ADGRG6: variants seen among roughly 807,000 people sequenced by gnomAD.
ADGRG6 encodes adhesion G protein-coupled receptor G6, also known as G-protein coupled receptor 126.
A neutral mutation model predicts 142.4 loss-of-function variants in ADGRG6; 84 were observed. That is an observed-to-expected ratio of 0.59 (90% CI 0.49 to 0.71). The LOEUF (loss-of-function observed/expected upper bound fraction) is 0.71. Among genes scored for constraint, ADGRG6 ranks in the 30% least tolerant of loss-of-function variants. The pLI, the probability that ADGRG6 is intolerant of heterozygous loss-of-function variation, is 0.00. For missense variants in ADGRG6, 1,367 were observed against 1,466.6 expected (o/e 0.93, Z 1.11); for synonymous variants, 521 against 520.5 (o/e 1.00, Z -0.01).
At chr6:142,311,506 A>G (rs1382638727) in intron 2 of ADGRG6, among the ~76,000 whole-genome samples, 3 of 152,100 alleles carry the variant, frequency 2.0e-5, no homozygotes, top group South Asian at 2.1e-4. Context: ...GGTTCCTTAT[A>G]ATGAACTCCC....
chr6:142,410,645 G>A (rs148153609), intron 17 of ADGRG6, among the ~76,000 whole-genome samples: 1 of 152,160 alleles, frequency 6.6e-6, no homozygotes, highest in African/African-American at 2.4e-5. Flanking sequence ...GATAGTTCTT[G>A]TCACAGCAAG....
intron 22 of ADGRG6, among the ~76,000 whole-genome samples, chr6:142,435,547 A>G (rs767073627): frequency 6.6e-5 from 10 of 151,396 alleles, no homozygotes; most frequent in African/African-American, 2.4e-4. Flanking sequence ...TAGAGTATAC[A>G]TGTAAGCATT....
chr6:142,305,313 A>G (rs1777434044), intron 1 of ADGRG6, among the ~76,000 whole-genome samples: 1 of 152,018 alleles, frequency 6.6e-6, no homozygotes, highest in Non-Finnish European at 1.5e-5. Context: ...AATAAAAGTT[A>G]TGCAAAGAAC....
At chr6:142,371,497 T>C (rs1315772445) in intron 4 of ADGRG6, among the ~76,000 whole-genome samples, 1 of 149,202 alleles carries the variant, frequency 6.7e-6, no homozygotes, top group African/African-American at 2.5e-5. Flanking sequence ...TTTTTTTTTT[T>C]TTTTGAGACA....
At chr6:142,370,924 A>G (rs1302110390) in intron 4 of ADGRG6, 131 bp downstream of exon 4, 1 of 905,082 alleles carries the variant, frequency 1.1e-6, no homozygotes, top group Admixed American at 2.7e-5. Flanking sequence ...ATATATATAT[A>G]TGTTGTCATT....
intron 2 of ADGRG6, among the ~76,000 whole-genome samples, chr6:142,361,668 G>T (rs1294635086): frequency 6.6e-6 from 1 of 152,146 alleles, no homozygotes; most frequent in Non-Finnish European, 1.5e-5. Context: ...TGAGCAAGAA[G>T]GTCCGCAGCT....
chr6:142,436,832 G>C (rs73582556), intron 22 of ADGRG6, among the ~76,000 whole-genome samples: 1 of 152,202 alleles, frequency 6.6e-6, no homozygotes, highest in African/African-American at 2.4e-5. Flanking sequence ...TATGAAGACT[G>C]TTTCTCATTA....
At chr6:142,347,210 A>T (rs1779947471) in intron 2 of ADGRG6, among the ~76,000 whole-genome samples, 1 of 152,190 alleles carries the variant, frequency 6.6e-6, no homozygotes. Context: ...GGGAACAGAT[A>T]TGTTGAACAA....
At position 142,336,011 on chromosome 6, in the gene ADGRG6, A is replaced by T. The variant is rs546538980; in HGVS notation, c.103+26367A>T. On this transcript the variant is annotated intron_variant, in intron 2 of 24. Coordinates refer to ENST00000367609, the MANE Select transcript of ADGRG6 (RefSeq NM_198569.3). ...GTGGCCATATAATTTTGTAAATGTG[A>T]AAGAACAAACAGTAAAATTACATTA... 1.5e-3 allele frequency among the ~76,000 whole-genome samples: 227 copies of T among 152,244 alleles called. 2 individuals carry two copies. The highest frequency in any genetic ancestry group is 5.3e-3 in the African/African-American group (219 of 41,542).
intron 2 of ADGRG6, among the ~76,000 whole-genome samples, chr6:142,317,417 T>G (rs1778138305): frequency 6.6e-6 from 1 of 151,922 alleles, no homozygotes. Context: ...TGACAGAACT[T>G]GGATTTTCCT....
At chr6:142,303,652 G>T (rs1777338175) in intron 1 of ADGRG6, among the ~76,000 whole-genome samples, 1 of 152,114 alleles carries the variant, frequency 6.6e-6, no homozygotes, top group African/African-American at 2.4e-5. Context: ...TACACATTTT[G>T]AAGTAATATG....
At chr6:142,359,910 G>A (rs1026762532) in intron 2 of ADGRG6, among the ~76,000 whole-genome samples, 5 of 152,150 alleles carry the variant, frequency 3.3e-5, no homozygotes, top group Admixed American at 3.3e-4. Context: ...TTCATACTAG[G>A]ATATTGATAG....
intron 22 of ADGRG6, among the ~76,000 whole-genome samples, chr6:142,429,424 A>AT (rs11412919): frequency 0.082 from 12,478 of 152,240 alleles, 617 homozygotes; most frequent in East Asian, 0.25. Flanking sequence ...GAGACATTAC[A>AT]GCTGCAAGGA....
intron 21 of ADGRG6, among the ~76,000 whole-genome samples, chr6:142,418,429 A>G (rs79001157): frequency 6.6e-6 from 1 of 152,252 alleles, no homozygotes; most frequent in African/African-American, 2.4e-5. Context: ...CTAGGGAAAA[A>G]TAATGGGGCT....
chr6:142,302,023 C>T lies in ADGRG6; in HGVS notation c.-307C>T. 1 of 482,258 alleles carries T rather than the reference C, an allele frequency of 2.1e-6. No homozygotes were observed. Among genetic ancestry groups the T allele is most frequent in the Non-Finnish European group, 3.6e-6 (1 of 275,652 alleles). 29.9% of individuals were successfully genotyped at this position (482,258 alleles called of 1,614,324 possible). A position where few individuals can be genotyped will look rare whatever the true frequency, so the allele number is the denominator to read the frequency against. ...CTGCCTGGCCCGGTCTCCTCAGCAC[C>T]AGCCCCACGCACACCCTACTTCCTC... On this transcript the variant is annotated 5_prime_UTR_variant, in exon 1 of 25. Coordinates refer to ENST00000367609, the MANE Select transcript of ADGRG6 (RefSeq NM_198569.3).
intron 11 of ADGRG6, chr6:142,400,844 C>A (rs1029515627): frequency 9.2e-5 from 35 of 380,392 alleles, no homozygotes; most frequent in Admixed American, 8.7e-4. Context: ...AGTTTAGAAG[C>A]CAGTGGGTAG....
intron 2 of ADGRG6, among the ~76,000 whole-genome samples, chr6:142,324,971 G>A (rs1284485454): frequency 1.3e-5 from 2 of 152,068 alleles, no homozygotes; most frequent in African/African-American, 4.8e-5. Context: ...GATGTGAAGG[G>A]CAGAGAAACT....
At chr6:142,409,327 G>A (rs1775968275) in intron 16 of ADGRG6, among the ~76,000 whole-genome samples, 1 of 152,058 alleles carries the variant, frequency 6.6e-6, no homozygotes, top group East Asian at 1.9e-4. Context: ...CCATGTTGTA[G>A]CATCTGTCAG....
intron 2 of ADGRG6, among the ~76,000 whole-genome samples, chr6:142,367,147 C>T (rs1271314405): frequency 6.6e-6 from 1 of 152,048 alleles, no homozygotes; most frequent in Non-Finnish European, 1.5e-5. Flanking sequence ...GGTTCTATAA[C>T]CCCCGCCACC....
Sources: gnomAD v4.1 joint callset for allele counts (sites outside exome capture counted in the v4.1 genomes callset) on GRCh38, gnomAD v4.1.1 for gene constraint, MANE v1.5 for transcripts, NCBI Gene and HGNC (gene_info 2026-07-23, HGNC 2026-07-21) for gene names.